CASR: variants seen among roughly 807,000 people sequenced by gnomAD.
CASR encodes calcium sensing receptor.
A neutral mutation model predicts 69.1 loss-of-function variants in CASR; 23 were observed. The ratio of observed to expected loss-of-function variants is 0.33; its 90% confidence interval spans 0.24 to 0.47. CASR has a LOEUF of 0.47. Among genes scored for constraint, CASR ranks in the 20% least tolerant of loss-of-function variants. CASR has a pLI of 1.00. For missense variants in CASR, 924 were observed against 1,356.1 expected, an observed-to-expected ratio of 0.68 and a Z score of 5.00; for synonymous variants, 541 against 544.7, an observed-to-expected ratio of 0.99 and a Z score of 0.10.
At chr3:122,221,317 C>G (rs1214098490) in intron 1 of CASR, among the ~76,000 whole-genome samples, 1 of 152,164 alleles carries the variant, frequency 6.6e-6, no homozygotes, top group Non-Finnish European at 1.5e-5. Flanking sequence ...TCAATGCTCA[C>G]AGTTCCAGCT....
rs547122992 is a variant in CASR at position 122,243,344 on chromosome 3, C to T, written c.-242-10604C>T. On this transcript the variant is annotated intron_variant, in intron 1 of 6. Transcript: ENST00000639785. The stretch of plus-strand genomic sequence containing the variant: ...TCTATAGGAAAAACATCTAATAATC[C>T]GATTTAAAATGGGTAAAAGATCTGA... 3.9e-5 allele frequency among the ~76,000 whole-genome samples: 6 copies of T among 152,022 alleles called. 1 individual carries two copies. In the South Asian group the frequency reaches 1.0e-3, roughly 26 times the overall value.
intron 1 of CASR, among the ~76,000 whole-genome samples, chr3:122,188,404 A>G (rs1377492111): frequency 1.3e-5 from 2 of 152,192 alleles, no homozygotes; most frequent in African/African-American, 4.8e-5. Context: ...CTGTCATTCA[A>G]GTGATCTTGG....
intron 1 of CASR, among the ~76,000 whole-genome samples, chr3:122,197,798 A>C (rs1303509572): frequency 6.6e-6 from 1 of 152,004 alleles, no homozygotes; most frequent in Non-Finnish European, 1.5e-5. Flanking sequence ...TGCTGTCATC[A>C]CTTTGATCAT....
chr3:122,192,152 AG>A (rs1559932808), intron 1 of CASR, among the ~76,000 whole-genome samples: 2 of 152,222 alleles, frequency 1.3e-5, no homozygotes, highest in African/African-American at 2.4e-5. Context: ...GGTTAAATAC[AG>A]TGTGGTGGAT....
At position 122,284,009 on chromosome 3, in the gene CASR, C is replaced by A. The variant is rs199925754; in HGVS notation, c.2055C>A (p.Gly685=). 3.7e-6 allele frequency: 6 copies of A among 1,613,984 alleles called. No individual in the cohort carries two copies. The South Asian group carries it at 6.6e-5, about 18-fold the overall frequency. Residue 685 remains glycine (G), a synonymous_variant, in exon 7 of 7, where the codon GGC becomes GGA. Coordinates refer to ENST00000639785, the MANE Select transcript of CASR (RefSeq NM_000388.4). ...GCCGCCTGCGCCAGCCGGCCTTTGG[C>A]ATCAGCTTCGTGCTCTGCATCTCAT... is the stretch of plus-strand genomic sequence containing the variant. ...WTCRLRQPAF[G]ISFVLCISCI...
rs1485465529 is a variant in CASR, at chr3:122,257,155, T to C, written c.260T>C (p.Leu87Pro). The change falls in exon 3 of 7, where the codon CTT (leucine) becomes CCT (proline). Residue 87 changes from leucine (L) to proline (P), a missense_variant. By Grantham distance (98) the Leu-to-Pro change is moderately conservative. Transcript: ENST00000639785. Reference protein sequence around the residue: ...AIEEINSSPALLPNLTLGYRI... With the variant: ...AIEEINSSPAPLPNLTLGYRI... ...GAGGAGATAAACAGCAGCCCAGCCC[T>C]TCTTCCCAACTTGACGCTGGGATAC... 6.2e-7 allele frequency: 1 copy of C among 1,614,170 alleles called. No individual in the cohort carries two copies. The highest frequency in any genetic ancestry group is 8.5e-7 in the Non-Finnish European group (1 of 1,179,978).
chr3:122,226,438 A>G (rs1303594211), intron 1 of CASR, among the ~76,000 whole-genome samples: 4 of 152,324 alleles, frequency 2.6e-5, no homozygotes, highest in Admixed American at 6.5e-5. Context: ...AAGAGTGAGC[A>G]GTAGCAAGAT....
At chr3:122,274,958 C>T (rs1048587765) in intron 4 of CASR, among the ~76,000 whole-genome samples, 8 of 152,212 alleles carry the variant, frequency 5.3e-5, no homozygotes, top group African/African-American at 1.7e-4. Context: ...AGGAGCCCAG[C>T]GATGCTGCAG....
intron 1 of CASR, among the ~76,000 whole-genome samples, chr3:122,201,678 A>AC (rs1480412002): frequency 4.4e-5 from 3 of 68,774 alleles, no homozygotes; most frequent in African/African-American, 1.4e-4. Context: ...GCGGGGGCTG[A>AC]CCCCCACCTC....
chr3:122,184,981 G>A (rs1021744228), intron 1 of CASR, among the ~76,000 whole-genome samples: 1 of 152,078 alleles, frequency 6.6e-6, no homozygotes, highest in East Asian at 1.9e-4. Flanking sequence ...AGGATTCCTG[G>A]TCCAAGCTAC....
intron 4 of CASR, among the ~76,000 whole-genome samples, chr3:122,263,432 A>G (rs2074651069): frequency 6.6e-6 from 1 of 152,234 alleles, no homozygotes; most frequent in African/African-American, 2.4e-5. Context: ...TGTAAAAGCA[A>G]TTTGTAAACT....
At chr3:122,234,907 C>T (rs2107610768) in intron 1 of CASR, among the ~76,000 whole-genome samples, 1 of 152,318 alleles carries the variant, frequency 6.6e-6, no homozygotes, top group South Asian at 2.1e-4. Flanking sequence ...AATGCTGGTT[C>T]CTGATTCTTC....
In CASR at chr3:122,254,567, G is replaced by T. The variant is rs183425314; in HGVS notation, c.185+193G>T. Among the ~76,000 whole-genome samples, 13 of 152,160 alleles carry T rather than the reference G, an allele frequency of 8.5e-5. No individual in the cohort carries two copies. The East Asian group carries it at 1.7e-3, about 20-fold the overall frequency. ...CTGAAGACTTCTTTTTAAATAAAAT[G>T]TCAATGATATTAAGTAGAAAATCCA... On this transcript the variant is annotated intron_variant, in intron 2 of 6. Transcript: ENST00000639785.
intron 1 of CASR, among the ~76,000 whole-genome samples, chr3:122,193,719 T>C (rs879629758): frequency 1.3e-5 from 2 of 152,214 alleles, no homozygotes; most frequent in Non-Finnish European, 2.9e-5. Flanking sequence ...ATGTGTAAGA[T>C]TGTTATTAAT....
chr3:122,204,071 T>A (rs1344698292), intron 1 of CASR, among the ~76,000 whole-genome samples: 2 of 152,218 alleles, frequency 1.3e-5, no homozygotes, highest in Admixed American at 1.3e-4. Context: ...ATCCATCACC[T>A]TAAATACTTG....
intron 1 of CASR, among the ~76,000 whole-genome samples, chr3:122,212,112 T>C (rs1177482399): frequency 6.6e-6 from 1 of 152,226 alleles, no homozygotes; most frequent in Non-Finnish European, 1.5e-5. Context: ...TGGACACTTA[T>C]GTTCATTGCA....
chr3:122,248,280 G>A (rs1559952390), intron 1 of CASR, among the ~76,000 whole-genome samples: 1 of 152,216 alleles, frequency 6.6e-6, no homozygotes, highest in Non-Finnish European at 1.5e-5. Flanking sequence ...TGCACCAGCT[G>A]TGTATAGAAA....
chr3:122,239,554 G>A (rs946908874), intron 1 of CASR, among the ~76,000 whole-genome samples: 10 of 152,338 alleles, frequency 6.6e-5, no homozygotes, highest in Non-Finnish European at 8.8e-5. Flanking sequence ...AGAGCCCTAG[G>A]GCACTGAGGT....
chr3:122,265,174 G>A (rs3804593), intron 4 of CASR, among the ~76,000 whole-genome samples: 25,764 of 152,034 alleles, frequency 0.17, 2,619 homozygotes, highest in East Asian at 0.4. Flanking sequence ...GATCATTCTC[G>A]CTTCCTCATT....
Sources: gnomAD v4.1 joint callset for allele counts (sites outside exome capture counted in the v4.1 genomes callset) on GRCh38, gnomAD v4.1.1 for gene constraint, MANE v1.5 for transcripts, NCBI Gene and HGNC (gene_info 2026-07-23, HGNC 2026-07-21) for gene names.